Variants in PKIB observed in about 807,000 individuals in gnomAD.
The protein encoded by PKIB is cAMP-dependent protein kinase inhibitor beta.
PKIB carries 2 observed loss-of-function variants against 4.5 expected under a neutral mutation model. The observed-to-expected ratio is 0.44, with a 90% confidence interval of 0.18 to 1.39. The LOEUF (loss-of-function observed/expected upper bound fraction) is 1.39, where lower values mean the gene tolerates loss of function less well. Ranked by LOEUF, PKIB falls within the 40% of genes most tolerant of loss-of-function variation. The pLI is 0.27. For missense variants in PKIB, 94 were observed against 92.6 expected (o/e 1.02, Z -0.06); for synonymous variants, 38 against 36.0 (o/e 1.06, Z -0.20).
intron 2 of PKIB, among the ~76,000 whole-genome samples, chr6:122,662,308 C>CATTTTTTTTTTTTTT (rs1491515725): frequency 2.3e-4 from 3 of 13,252 alleles, no homozygotes; most frequent in Non-Finnish European, 4.5e-4. Context: ...TCCTTGTCTC[C>CATTTTTTTTTTTTTT]TTTTTTTTTT....
chr6:122,534,608 C>G (rs1490382623), intron 2 of PKIB, among the ~76,000 whole-genome samples: 1 of 152,114 alleles, frequency 6.6e-6, no homozygotes. Context: ...AAAAGACTTA[C>G]ACTGGTTCAT....
intron 2 of PKIB, among the ~76,000 whole-genome samples, chr6:122,656,671 G>A (rs1776788189): frequency 6.6e-6 from 1 of 152,166 alleles, no homozygotes; most frequent in African/African-American, 2.4e-5. Context: ...GTTGATGGGG[G>A]TGTCAGGTGT....
intron 2 of PKIB, among the ~76,000 whole-genome samples, chr6:122,495,065 C>G (rs1776038950): frequency 6.6e-6 from 1 of 152,204 alleles, no homozygotes; most frequent in Non-Finnish European, 1.5e-5. Flanking sequence ...GACTGCCCTG[C>G]TATTTCCTGC....
At chr6:122,706,463 G>A (rs945904558) in intron 3 of PKIB, among the ~76,000 whole-genome samples, 3 of 152,118 alleles carry the variant, frequency 2.0e-5, no homozygotes, top group Admixed American at 6.6e-5. Flanking sequence ...TGCACTGAAC[G>A]GAAGATATAG....
chr6:122,647,065 C>T (rs1776349492), intron 2 of PKIB, among the ~76,000 whole-genome samples: 2 of 152,078 alleles, frequency 1.3e-5, no homozygotes, highest in Middle Eastern at 3.4e-3. Context: ...AACAGAGAAA[C>T]AGAACCAGTA....
intron 3 of PKIB, among the ~76,000 whole-genome samples, chr6:122,683,490 G>A (rs1307542803): frequency 2.0e-5 from 3 of 152,140 alleles, no homozygotes; most frequent in African/African-American, 7.2e-5. Context: ...ACCAGGCCCT[G>A]CTTCTAGCAT....
intron 2 of PKIB, among the ~76,000 whole-genome samples, chr6:122,575,746 A>G (rs1010573037): frequency 3.9e-5 from 6 of 152,172 alleles, no homozygotes; most frequent in African/African-American, 1.4e-4. Context: ...CAGTACTATA[A>G]TGGACTTTGT....
chr6:122,496,527 A>C (rs1269532982), intron 2 of PKIB, among the ~76,000 whole-genome samples: 1 of 152,228 alleles, frequency 6.6e-6, no homozygotes, highest in Non-Finnish European at 1.5e-5. Context: ...TAAATCTTCT[A>C]AAAAGAAATC....
intron 2 of PKIB, among the ~76,000 whole-genome samples, chr6:122,544,326 AG>A (rs1360068654): frequency 2.4e-4 from 37 of 152,142 alleles, no homozygotes; most frequent in African/African-American, 8.9e-4. Context: ...AAATGTCTAA[AG>A]AAAGTGAAAA....
In PKIB at chr6:122,662,308, C is replaced by T. The variant is rs1322494418; in HGVS notation, c.-75-12770C>T. Among the ~76,000 whole-genome samples the T allele has an allele frequency of 1.7e-3, 22 of 13,262 alleles. 1 individual carries two copies. The highest frequency in any genetic ancestry group is 3.6e-3 in the African/African-American group (16 of 4,404). The allele number at this position is 13,262 out of a possible 152,430, so 8.7% of individuals were successfully genotyped here. ...CTCTCCTTCTTTCTTTCCTTGTCTC[C>T]TTTTTTTTTTTTTTTTTTTTTTTTT... On this transcript the variant is annotated intron_variant, in intron 2 of 4. Transcript: ENST00000368452.
intron 2 of PKIB, among the ~76,000 whole-genome samples, chr6:122,524,332 CCTT>C (rs200600396): frequency 0.021 from 3,119 of 148,050 alleles, 125 homozygotes; most frequent in African/African-American, 0.074. Context: ...TCCTCCTCCT[CCTT>C]CTTCTTCTTC....
At chr6:122,603,683 G>A (rs372081524) in intron 3 of PKIB, among the ~76,000 whole-genome samples, 11 of 152,218 alleles carry the variant, frequency 7.2e-5, no homozygotes, top group Admixed American at 3.3e-4. Context: ...GTTTTGCCAC[G>A]TTGGCCAGGC....
intron 2 of PKIB, chr6:122,482,482 A>G (rs1233575326): frequency 6.6e-6 from 1 of 152,132 alleles, no homozygotes; most frequent in African/African-American, 2.4e-5. Context: ...TTAGCATTTA[A>G]AATCTCCACC....
intron 3 of PKIB, among the ~76,000 whole-genome samples, chr6:122,709,053 T>G (rs1311559270): frequency 1.3e-5 from 2 of 152,204 alleles, no homozygotes; most frequent in Non-Finnish European, 2.9e-5. Context: ...GCCTATAAAT[T>G]TATATGACTG....
Position 122,546,835 on chromosome 6 carries a change from A to G in PKIB, c.-247-39086A>G, listed in dbSNP as rs897252833. 5.9e-5 allele frequency among the ~76,000 whole-genome samples: 9 copies of G among 152,158 alleles called. 1 individual carries two copies. Among genetic ancestry groups the G allele is most frequent in the African/African-American group, 2.2e-4 (9 of 41,388 alleles). On this transcript the variant is annotated intron_variant, in intron 2 of 6. Transcript: ENST00000392491. Reference sequence around the variant, plus strand: ...ATAGGTACTATGGGGACAAAAGGATACATAAGAGTAAGAGAAAGGATGTTT... The same window carrying G: ...ATAGGTACTATGGGGACAAAAGGATGCATAAGAGTAAGAGAAAGGATGTTT...
chr6:122,553,188 C>T (rs1000547383), intron 2 of PKIB, among the ~76,000 whole-genome samples: 1 of 152,124 alleles, frequency 6.6e-6, no homozygotes, highest in South Asian at 2.1e-4. Flanking sequence ...GACCATCTCT[C>T]CATTTATCCC....
At chr6:122,478,045 G>C (rs572964141) in intron 2 of PKIB, 2 of 152,102 alleles carry the variant, frequency 1.3e-5, no homozygotes, top group Non-Finnish European at 2.9e-5. Flanking sequence ...AGGCTTAGCT[G>C]TTTGGTAGCA....
At chr6:122,597,804 T>G (rs1774226306) in intron 3 of PKIB, among the ~76,000 whole-genome samples, 1 of 152,218 alleles carries the variant, frequency 6.6e-6, no homozygotes, top group South Asian at 2.1e-4. Flanking sequence ...TTATGCATTC[T>G]GGCACTGGGG....
intron 2 of PKIB, among the ~76,000 whole-genome samples, chr6:122,501,686 C>T (rs897532353): frequency 2.6e-5 from 4 of 152,186 alleles, no homozygotes; most frequent in African/African-American, 7.2e-5. Flanking sequence ...CCTAGACCTC[C>T]AGGCCTATGA....
Sources: gnomAD v4.1 joint callset for allele counts (sites outside exome capture counted in the v4.1 genomes callset) on GRCh38, gnomAD v4.1.1 for gene constraint, MANE v1.5 for transcripts, NCBI Gene and HGNC (gene_info 2026-07-23, HGNC 2026-07-21) for gene names.